The following ZCCHC7 variants were observed in gnomAD, a reference collection of about 807,000 sequenced individuals.
The protein encoded by ZCCHC7 is zinc finger CCHC-type containing 7.
In ZCCHC7, 35 loss-of-function variants were observed where a neutral mutation model predicts 52.0. That is an observed-to-expected ratio of 0.67 (90% CI 0.51 to 0.89). The LOEUF (loss-of-function observed/expected upper bound fraction) is 0.89. ZCCHC7 is among the 40% of genes least tolerant of loss of function. The probability of loss-of-function intolerance (pLI) is 0.00; values close to 1 mark genes in which losing one functional copy is unlikely to be tolerated. For synonymous variants in ZCCHC7, 217 were observed against 221.5 expected (o/e 0.98, Z 0.18); for missense variants, 574 against 649.1 (o/e 0.88, Z 1.26).
intron 2 of ZCCHC7, among the ~76,000 whole-genome samples, chr9:37,164,458 T>C (rs930144385): frequency 2.2e-5 from 3 of 136,228 alleles, no homozygotes; most frequent in African/African-American, 9.0e-5. Context: ...GATAGATAGA[T>C]AGATAGATAG....
At chr9:37,184,116 C>T (rs141077008) in intron 2 of ZCCHC7, among the ~76,000 whole-genome samples, 57 of 152,304 alleles carry the variant, frequency 3.7e-4, no homozygotes, top group African/African-American at 1.3e-3. Flanking sequence ...ATTATGCTGA[C>T]ATTCACACTT....
chr9:37,346,076 C>G (rs1248591068), intron 6 of ZCCHC7, among the ~76,000 whole-genome samples: 1 of 152,128 alleles, frequency 6.6e-6, no homozygotes, highest in African/African-American at 2.4e-5. Context: ...GATCTCTGCT[C>G]ACTGCAACCT....
rs190318118 is a variant in ZCCHC7, at chr9:37,319,054, C to T, written c.952-8745C>T. 3.3e-3 allele frequency among the ~76,000 whole-genome samples: 497 copies of T among 151,378 alleles called. 6 individuals carry two copies. The highest frequency in any genetic ancestry group is 3.4e-3 in the Middle Eastern group (1 of 294). ...TTTTATTTCTATTGATCTTTATTTG[C>T]GAGTTCTATATTAGTCATTCTAATA... On this transcript the variant is annotated intron_variant, in intron 5 of 8. Coordinates refer to ENST00000336755, the MANE Select transcript of ZCCHC7 (RefSeq NM_032226.3).
chr9:37,296,928 T>TGTGTGTGTGTGTGTGTGTGTG (rs1564235226), intron 2 of ZCCHC7, among the ~76,000 whole-genome samples: 6 of 147,620 alleles, frequency 4.1e-5, no homozygotes, highest in Admixed American at 6.7e-5. Context: ...TGTGTGTGTG[T>TGTGTGTGTGTGTGTGTGTGTG]TTCGTAGAGA....
chr9:37,336,233 C>A (rs577617263), intron 6 of ZCCHC7, among the ~76,000 whole-genome samples: 1 of 152,180 alleles, frequency 6.6e-6, no homozygotes, highest in Admixed American at 6.5e-5. Flanking sequence ...AGACTTCCAG[C>A]TGTATTCTCA....
intron 2 of ZCCHC7, among the ~76,000 whole-genome samples, chr9:37,283,054 A>C (rs919460169): frequency 2.0e-5 from 3 of 151,940 alleles, no homozygotes; most frequent in African/African-American, 7.3e-5. Context: ...GGATGGTATT[A>C]AATTCAATTG....
At chr9:37,338,225 G>A (rs1830764666) in intron 6 of ZCCHC7, among the ~76,000 whole-genome samples, 1 of 152,108 alleles carries the variant, frequency 6.6e-6, no homozygotes, top group African/African-American at 2.4e-5. Context: ...AAATTAATAA[G>A]CTTAATAGCT....
At chr9:37,283,539 T>C (rs1397234547) in intron 2 of ZCCHC7, among the ~76,000 whole-genome samples, 1 of 152,174 alleles carries the variant, frequency 6.6e-6, no homozygotes, top group Non-Finnish European at 1.5e-5. Flanking sequence ...GGGCTCTAAT[T>C]TATTTGACCC....
rs74182940 is a variant in ZCCHC7, at chr9:37,303,655, C to CTTTTTTTTTT, written c.655-517_655-508dup. Among the ~76,000 whole-genome samples the CTTTTTTTTTT allele has an allele frequency of 1.0e-3, 59 of 56,778 alleles. 5 individuals are homozygous for CTTTTTTTTTT. The highest frequency in any genetic ancestry group is 3.1e-3 in the African/African-American group (39 of 12,676). 37.2% of individuals were successfully genotyped at this position (56,778 alleles called of 152,430 possible). A position where few individuals can be genotyped will look rare whatever the true frequency, so the allele number is the denominator to read the frequency against. On this transcript the variant is annotated intron_variant, in intron 3 of 8. Coordinates refer to ENST00000336755, the MANE Select transcript of ZCCHC7 (RefSeq NM_032226.3). ...CACCTCCTTTTATGTTTTTCTACCT[C>CTTTTTTTTTT]TTTTTTTTTTTTTTTTTTTTTTTTT...
In ZCCHC7 at chr9:37,143,279, G is replaced by A. The variant is rs570548692; in HGVS notation, c.610+16337G>A. 5.9e-5 allele frequency among the ~76,000 whole-genome samples: 9 copies of A among 151,728 alleles called. No homozygotes were observed. The East Asian group carries it at 1.7e-3, about 29-fold the overall frequency. ...GTATGGTAACTATTGAAGTATGATC[G>A]AAATACTTTTATTCATGATTTTTTT... On this transcript the variant is annotated intron_variant, in intron 2 of 8. Transcript: ENST00000336755.
At chr9:37,127,761 A>T (rs1842605380) in intron 2 of ZCCHC7, among the ~76,000 whole-genome samples, 1 of 152,222 alleles carries the variant, frequency 6.6e-6, no homozygotes, top group African/African-American at 2.4e-5. Flanking sequence ...TTTTAATGGC[A>T]GCCTGCTTCC....
intron 2 of ZCCHC7, among the ~76,000 whole-genome samples, chr9:37,253,194 A>G (rs975327453): frequency 6.6e-6 from 1 of 151,984 alleles, no homozygotes; most frequent in African/African-American, 2.4e-5. Context: ...ACACAATGTG[A>G]TTTCCCTTTA....
intron 2 of ZCCHC7, among the ~76,000 whole-genome samples, chr9:37,287,066 T>C (rs959166337): frequency 5.2e-5 from 6 of 116,364 alleles, no homozygotes; most frequent in African/African-American, 2.0e-4. Context: ...GCCTCTCTCT[T>C]TCATCCAGGC....
chr9:37,190,922 T>C (rs1822985389), intron 2 of ZCCHC7, among the ~76,000 whole-genome samples: 1 of 151,736 alleles, frequency 6.6e-6, no homozygotes, highest in South Asian at 2.1e-4. Context: ...CTTGGGTGGC[T>C]GAGGTGGGAG....
At chr9:37,217,767 C>T (rs1046231373) in intron 2 of ZCCHC7, among the ~76,000 whole-genome samples, 7 of 152,116 alleles carry the variant, frequency 4.6e-5, no homozygotes, top group African/African-American at 1.7e-4. Flanking sequence ...AAGACATTTA[C>T]ACACAACTTA....
At chr9:37,147,213 T>C (rs529294055) in intron 2 of ZCCHC7, 1 of 152,128 alleles carries the variant, frequency 6.6e-6, no homozygotes, top group East Asian at 1.9e-4. Context: ...CAAATTATGC[T>C]ACTTCAAAAA....
intron 2 of ZCCHC7, among the ~76,000 whole-genome samples, chr9:37,240,463 A>G (rs1033359143): frequency 6.6e-5 from 10 of 151,992 alleles, no homozygotes; most frequent in African/African-American, 2.4e-4. Flanking sequence ...AGGAAGATAA[A>G]TCAAATTTTA....
At chr9:37,289,605 T>C (rs1048931025) in intron 2 of ZCCHC7, among the ~76,000 whole-genome samples, 3 of 152,328 alleles carry the variant, frequency 2.0e-5, no homozygotes, top group Middle Eastern at 3.4e-3. Context: ...TTCTAACTGA[T>C]CTCCTTGCTT....
intron 2 of ZCCHC7, chr9:37,160,244 TC>T (rs1223376231): frequency 6.6e-6 from 1 of 152,270 alleles, no homozygotes; most frequent in African/African-American, 2.4e-5. Flanking sequence ...TTAAAAAGGC[TC>T]ATGCCTGTAA....
Sources: gnomAD v4.1 joint callset for allele counts (sites outside exome capture counted in the v4.1 genomes callset) on GRCh38, gnomAD v4.1.1 for gene constraint, MANE v1.5 for transcripts, NCBI Gene and HGNC (gene_info 2026-07-23, HGNC 2026-07-21) for gene names.